GARRE1: variants seen among roughly 807,000 people sequenced by gnomAD.
GARRE1 encodes granule associated Rac and RHOG effector 1, also known as granule associated Rac and RHOG effector protein 1.
Under a neutral mutation model 103.2 loss-of-function variants are expected in GARRE1, and 49 were observed. That is an observed-to-expected ratio of 0.47 (90% CI 0.38 to 0.60). GARRE1 has a LOEUF of 0.60. GARRE1 is among the 20% of genes least tolerant of loss of function. GARRE1 has a pLI of 0.00. For missense variants in GARRE1, 1,199 were observed against 1,370.5 expected (o/e 0.87, Z 1.98); for synonymous variants, 505 against 532.8 (o/e 0.95, Z 0.72).
Position 34,349,030 on chromosome 19 carries a change from G to T in GARRE1, c.2702G>T (p.Gly901Val). Residue 901 changes from glycine to valine, a missense_variant, in exon 12 of 14, where the codon GGT becomes GTT. Gly to Val is a moderately radical substitution (Grantham distance 109). Coordinates refer to ENST00000299505, the MANE Select transcript of GARRE1 (RefSeq NM_014686.5). ...EFFTEGDGLH[G>V]GWSGAQGDSA... ...CTGGCTTTCAGGGATGGCCTGCACG[G>T]TGGCTGGTCGGGTGCTCAGGGAGAC... is the stretch of plus-strand genomic sequence containing the variant. 1 of 1,611,552 alleles carries T rather than the reference G, an allele frequency of 6.2e-7. No individual in the cohort carries two copies. Among genetic ancestry groups the T allele is most frequent in the Non-Finnish European group, 8.5e-7 (1 of 1,179,994 alleles).
intron 1 of GARRE1, among the ~76,000 whole-genome samples, chr19:34,255,689 T>C (rs889442342): frequency 7.5e-6 from 1 of 132,896 alleles, no homozygotes; most frequent in Admixed American, 7.7e-5. Context: ...TTTTTTTTTT[T>C]AATAAGAGAC....
chr19:34,305,058 C>A (rs2074001445), intron 2 of GARRE1, among the ~76,000 whole-genome samples: 1 of 152,208 alleles, frequency 6.6e-6, no homozygotes, highest in African/African-American at 2.4e-5. Context: ...TCCCAAAGTG[C>A]TGGGATTACA....
chr19:34,331,602 A>C (rs2074138218), intron 7 of GARRE1, among the ~76,000 whole-genome samples: 1 of 152,022 alleles, frequency 6.6e-6, no homozygotes, highest in African/African-American at 2.4e-5. Context: ...GGGTCAGGAG[A>C]TCAACATCTG....
chr19:34,337,624 T>C (rs1200401088), intron 8 of GARRE1, among the ~76,000 whole-genome samples: 3 of 151,942 alleles, frequency 2.0e-5, no homozygotes, highest in African/African-American at 4.8e-5. Flanking sequence ...CTTGAAGGAA[T>C]TGGGTTTTTA....
At chr19:34,326,479 G>A (rs1318721152) in intron 3 of GARRE1, among the ~76,000 whole-genome samples, 3 of 152,018 alleles carry the variant, frequency 2.0e-5, no homozygotes, top group South Asian at 2.1e-4. Context: ...GCATTTAATC[G>A]TAAAATGACA....
At chr19:34,294,811 C>T (rs899932350) in intron 1 of GARRE1, among the ~76,000 whole-genome samples, 8 of 152,092 alleles carry the variant, frequency 5.3e-5, no homozygotes, top group African/African-American at 4.8e-5. Context: ...GTAGCTGGGA[C>T]TATGGGTGGG....
intron 1 of GARRE1, among the ~76,000 whole-genome samples, chr19:34,290,082 C>T (rs539034307): frequency 5.3e-5 from 8 of 152,068 alleles, no homozygotes; most frequent in East Asian, 1.9e-4. Context: ...AAGGACCGGG[C>T]GCAGTGGCTG....
intron 8 of GARRE1, among the ~76,000 whole-genome samples, chr19:34,335,683 G>A (rs1285785145): frequency 1.3e-5 from 2 of 152,140 alleles, no homozygotes; most frequent in Non-Finnish European, 2.9e-5. Context: ...ATGCCACTAC[G>A]CCCAGCTAAT....
intron 1 of GARRE1, among the ~76,000 whole-genome samples, chr19:34,288,912 AGTTG>A (rs2073902094): frequency 9.2e-5 from 14 of 151,834 alleles, no homozygotes; most frequent in Admixed American, 9.2e-4. Context: ...CAGTCGGATC[AGTTG>A]AGGCCAGGAG....
In GARRE1 at chr19:34,352,937, C is replaced by T; in HGVS notation, c.3195C>T (p.Ala1065=). The T allele has an allele frequency of 6.4e-7, 1 of 1,551,348 alleles. No individual in the cohort carries two copies. Among genetic ancestry groups the T allele is most frequent in the Non-Finnish European group, 8.7e-7 (1 of 1,148,616 alleles). ...CTGGGAAGGGTGAGCGCAGGCCAGC[C>T]TATCTGCCCCAGTACTGACCCCAGG... The part of the protein sequence containing the change: ...AFPGKGERRP[A]YLPQY The change falls in exon 14 of 14, where the codon GCC becomes GCT. Residue 1065 remains alanine, a synonymous_variant. Transcript: ENST00000299505.
At chr19:34,297,431 T>C (rs1462749350) in intron 1 of GARRE1, among the ~76,000 whole-genome samples, 1 of 152,248 alleles carries the variant, frequency 6.6e-6, no homozygotes, top group Non-Finnish European at 1.5e-5. Flanking sequence ...TGTGGTTTTT[T>C]AATTAGGTAA....
In GARRE1 at chr19:34,333,740, G is replaced by A. The variant is rs755955358; in HGVS notation, c.1300G>A (p.Ala434Thr). Residue 434 changes from alanine to threonine, a missense_variant, in exon 8 of 14, where the codon GCC (alanine) becomes ACC (threonine). By Grantham distance (58) the Ala-to-Thr change is moderately conservative. Transcript: ENST00000299505. ...VDTAQIENKE[A>T]YAPQISLEGS... is the part of the protein sequence containing the mutation. ...CACAGCACAGATTGAGAATAAAGAA[G>A]CCTATGCCCCCCAGATCAGTTTAGA... is the stretch of plus-strand genomic sequence containing the variant. 114 of 1,491,624 alleles carry A rather than the reference G, an allele frequency of 7.6e-5. No homozygotes were observed. The highest frequency in any genetic ancestry group is 9.8e-5 in the Non-Finnish European group (107 of 1,095,996). The allele number at this position is 1,491,624 out of a possible 1,614,324, so 92.4% of individuals were successfully genotyped here. A position where few individuals can be genotyped will look rare whatever the true frequency, so the allele number is the denominator to read the frequency against.
At chr19:34,257,753 C>T (rs1205610195) in intron 1 of GARRE1, among the ~76,000 whole-genome samples, 1 of 152,170 alleles carries the variant, frequency 6.6e-6, no homozygotes, top group Non-Finnish European at 1.5e-5. Flanking sequence ...TCTTGAGGGT[C>T]CCCTAACTGA....
At position 34,333,688 on chromosome 19, in the gene GARRE1, T is replaced by TG; in HGVS notation, c.1264-16_1264-15insG. ...GCTGGTTGTTATTTGTTTTTTTTTT[T>TG]TTTTTTCGATCTTAGGTGGTGGTTG... On this transcript the variant is annotated splice_polypyrimidine_tract_variant and intron_variant, in intron 7 of 13. Transcript: ENST00000299505. The TG allele has an allele frequency of 7.6e-7, 1 of 1,318,086 alleles. No individual in the cohort carries two copies. Among genetic ancestry groups the TG allele is most frequent in the Non-Finnish European group, 1.1e-6 (1 of 941,436 alleles). 81.6% of individuals were successfully genotyped at this position (1,318,086 alleles called of 1,614,324 possible).
rs188265010 is a variant in GARRE1 at position 34,292,400 on chromosome 19, A to G, written c.-795-7279A>G. On this transcript the variant is annotated intron_variant, in intron 1 of 13. Coordinates refer to ENST00000299505, the MANE Select transcript of GARRE1 (RefSeq NM_014686.5). ...GTTGATAAGCAATTGGGTCGTTACT[A>G]CTTTTGACTATTATGAATAATGCTG... Among the ~76,000 whole-genome samples, 7 of 152,274 alleles carry G rather than the reference A, an allele frequency of 4.6e-5. No homozygotes were observed. In the East Asian group the frequency reaches 1.2e-3, roughly 25 times the overall value.
intron 1 of GARRE1, among the ~76,000 whole-genome samples, chr19:34,298,642 G>A (rs569054376): frequency 4.0e-5 from 6 of 151,502 alleles, no homozygotes; most frequent in South Asian, 4.2e-4. Context: ...CCTGGGAGGC[G>A]GAGGTTGTGG....
At chr19:34,291,982 C>T (rs540794980) in intron 1 of GARRE1, among the ~76,000 whole-genome samples, 4 of 152,184 alleles carry the variant, frequency 2.6e-5, no homozygotes, top group South Asian at 4.2e-4. Flanking sequence ...CCTCAGCCTC[C>T]TAAATAGCTG....
At chr19:34,350,643 G>A (rs1442856805) in intron 12 of GARRE1, among the ~76,000 whole-genome samples, 5 of 152,230 alleles carry the variant, frequency 3.3e-5, no homozygotes, top group Non-Finnish European at 2.9e-5. Context: ...GTGCAGTGGC[G>A]CGGTCTTAGC....
At chr19:34,319,676 C>A (rs996379917) in intron 2 of GARRE1, among the ~76,000 whole-genome samples, 2 of 152,076 alleles carry the variant, frequency 1.3e-5, no homozygotes, top group African/African-American at 4.8e-5. Flanking sequence ...ATTATTTCAA[C>A]CTTGGGCCTT....
Sources: allele counts gnomAD v4.1 joint callset (sites outside exome capture counted in the v4.1 genomes callset), GRCh38; gene constraint gnomAD v4.1.1; transcripts MANE v1.5; gene names NCBI Gene and HGNC (gene_info 2026-07-23, HGNC 2026-07-21).